XXYLT1: variants seen among roughly 807,000 people sequenced by gnomAD.
XXYLT1 encodes xyloside xylosyltransferase 1, also known as UDP-xylose:alpha-xyloside alpha-1,3-xylosyltransferase.
A neutral mutation model predicts 28.9 loss-of-function variants in XXYLT1; 20 were observed. The observed-to-expected ratio is 0.69, with a 90% confidence interval of 0.49 to 1.00. The LOEUF is 1.00. Ranked by LOEUF, XXYLT1 falls within the 50% of genes least tolerant of loss-of-function variation. XXYLT1 has a pLI of 0.00. For missense variants in XXYLT1, 542 were observed against 560.1 expected, an observed-to-expected ratio of 0.97 and a Z score of 0.33; for synonymous variants, 257 against 253.8, an observed-to-expected ratio of 1.01 and a Z score of -0.12.
intron 3 of XXYLT1, among the ~76,000 whole-genome samples, chr3:195,120,782 C>T (rs1326392083): frequency 1.3e-5 from 2 of 152,210 alleles, no homozygotes; most frequent in African/African-American, 4.8e-5. Context: ...GAGGGGAAGA[C>T]AAGGCAAGCT....
At chr3:195,088,532 C>T (rs1293411206) in intron 3 of XXYLT1, among the ~76,000 whole-genome samples, 3 of 127,854 alleles carry the variant, frequency 2.3e-5, no homozygotes, top group African/African-American at 8.3e-5. Context: ...CTGTACATCA[C>T]CATCATCAAA....
chr3:195,119,121 C>CAA lies in XXYLT1; in HGVS notation c.785+37326_785+37327dup, dbSNP rs112040231. 3.5e-3 allele frequency among the ~76,000 whole-genome samples: 491 copies of CAA among 140,308 alleles called. 3 individuals carry two copies. Among genetic ancestry groups the CAA allele is most frequent in the African/African-American group, 0.012 (471 of 38,024 alleles). The allele number at this position is 140,308 out of a possible 152,430, so 92.0% of individuals were successfully genotyped here. Reference sequence around the variant, plus strand: ...TGAAACCCTGTCTCTACTAAAAATACAAAAAAAAAAAAATTAGCTGGGTGT... The same window carrying CAA: ...TGAAACCCTGTCTCTACTAAAAATACAAAAAAAAAAAAAAATTAGCTGGGTGT... On this transcript the variant is annotated intron_variant, in intron 3 of 3. Transcript: ENST00000310380.
chr3:195,234,756 C>T (rs58352841), intron 1 of XXYLT1, among the ~76,000 whole-genome samples: 5,517 of 152,210 alleles, frequency 0.036, 285 homozygotes, highest in African/African-American at 0.12. Context: ...TATTTTATGT[C>T]ATTTGTTTAT....
chr3:195,259,221 C>A (rs1725588499), intron 1 of XXYLT1, among the ~76,000 whole-genome samples: 1 of 152,238 alleles, frequency 6.6e-6, no homozygotes, highest in East Asian at 1.9e-4. Context: ...CAGTCATCGC[C>A]CTAATAAATA....
chr3:195,229,378 C>A (rs1724205780), intron 1 of XXYLT1, among the ~76,000 whole-genome samples: 2 of 152,160 alleles, frequency 1.3e-5, no homozygotes, highest in South Asian at 4.1e-4. Context: ...AAGCATTTAT[C>A]CTTTGTGTTA....
intron 2 of XXYLT1, among the ~76,000 whole-genome samples, chr3:195,159,570 G>A (rs1258407531): frequency 2.0e-5 from 3 of 152,164 alleles, no homozygotes; most frequent in Non-Finnish European, 4.4e-5. Context: ...ATCATCCCAT[G>A]GAAATATCAG....
chr3:195,128,992 A>G lies in XXYLT1; in HGVS notation c.785+27457T>C, dbSNP rs1282402630. Among the ~76,000 whole-genome samples the G allele has an allele frequency of 3.9e-5, 6 of 152,330 alleles. No individual in the cohort carries two copies. In the East Asian group the frequency reaches 1.2e-3, roughly 29 times the overall value. On this transcript the variant is annotated intron_variant, in intron 3 of 3. Coordinates refer to ENST00000310380, the MANE Select transcript of XXYLT1 (RefSeq NM_152531.5). ...TCCCCATGCGAGACGAGTCATTTTC[A>G]TTCTCTTGGAAAGTAAAAAGGCAAC... is the stretch of plus-strand genomic sequence containing the variant.
intron 1 of XXYLT1, among the ~76,000 whole-genome samples, chr3:195,252,095 C>T (rs1166097668): frequency 6.6e-6 from 1 of 152,196 alleles, no homozygotes; most frequent in African/African-American, 2.4e-5. Context: ...GCTATGAAAT[C>T]TCATACTCAC....
intron 3 of XXYLT1, among the ~76,000 whole-genome samples, chr3:195,102,828 CAGA>C (rs746446423): frequency 3.0e-4 from 46 of 152,308 alleles, no homozygotes; most frequent in Non-Finnish European, 5.6e-4. Flanking sequence ...GGTCAATGCC[CAGA>C]AGAAGGACTG....
chr3:195,261,231 G>A (rs565650121), intron 1 of XXYLT1, among the ~76,000 whole-genome samples: 6 of 152,186 alleles, frequency 3.9e-5, no homozygotes, highest in African/African-American at 1.4e-4. Flanking sequence ...TCAGGAGTTC[G>A]AGCCCAGCCT....
intron 3 of XXYLT1, among the ~76,000 whole-genome samples, chr3:195,087,977 C>G (rs1032586194): frequency 2.0e-5 from 3 of 152,026 alleles, no homozygotes; most frequent in African/African-American, 7.3e-5. Flanking sequence ...GCTTTTCCAA[C>G]GGGCTTAAAA....
chr3:195,173,258 C>T lies in XXYLT1; in HGVS notation c.653-16677G>A, dbSNP rs1043264071. On this transcript the variant is annotated intron_variant, in intron 2 of 3. Transcript: ENST00000310380. The surrounding 1 kb of genome is among the most constrained non-coding windows in gnomAD (Gnocchi z 4.3). ...GGTCCCCTGGCTAACTTTTGTGAGG[C>T]TGGGGCCAAAGACAGAGAGTGTAGC... Among the ~76,000 whole-genome samples the T allele has an allele frequency of 8.5e-5, 13 of 152,182 alleles. No homozygotes were observed. Among genetic ancestry groups the T allele is most frequent in the African/African-American group, 2.9e-4 (12 of 41,452 alleles).
chr3:195,158,456 G>A (rs1411058231), intron 2 of XXYLT1, among the ~76,000 whole-genome samples: 6 of 152,198 alleles, frequency 3.9e-5, no homozygotes, highest in Non-Finnish European at 7.3e-5. Context: ...CTTCCCCTGC[G>A]CTTTAGGGAC....
At chr3:195,156,721 G>A (rs1720615600) in intron 2 of XXYLT1, 140 bp from the exon 3 acceptor site, 1 of 1,125,018 alleles carries the variant, frequency 8.9e-7, no homozygotes. Context: ...GTTACCGCTG[G>A]AACAAAAGGC....
At chr3:195,241,942 G>A (rs535661928) in intron 1 of XXYLT1, among the ~76,000 whole-genome samples, 3 of 152,208 alleles carry the variant, frequency 2.0e-5, no homozygotes, top group African/African-American at 7.2e-5. Flanking sequence ...ATATTTTTCA[G>A]TGTTTAGTCA....
chr3:195,111,690 G>A (rs559295485), intron 3 of XXYLT1, among the ~76,000 whole-genome samples: 1 of 152,280 alleles, frequency 6.6e-6, no homozygotes, highest in African/African-American at 2.4e-5. Context: ...GTACTGACTC[G>A]TGAAGCCTAT....
At chr3:195,089,561 G>A (rs555841860) in intron 3 of XXYLT1, among the ~76,000 whole-genome samples, 260 of 152,070 alleles carry the variant, frequency 1.7e-3, no homozygotes, top group Middle Eastern at 0.014. Context: ...GGTACCAGCC[G>A]CTGCAAAATC....
At chr3:195,262,068 T>C (rs1725715068) in intron 1 of XXYLT1, among the ~76,000 whole-genome samples, 1 of 152,260 alleles carries the variant, frequency 6.6e-6, no homozygotes, top group Non-Finnish European at 1.5e-5. Context: ...GCATTATTCA[T>C]AATAGCCTCA....
chr3:195,093,521 G>A (rs1208021268), intron 3 of XXYLT1, among the ~76,000 whole-genome samples: 1 of 139,526 alleles, frequency 7.2e-6, no homozygotes, highest in Non-Finnish European at 1.5e-5. Flanking sequence ...CACACTCTGG[G>A]GACTGTTGTG....
Sources: gnomAD v4.1 joint callset for allele counts (sites outside exome capture counted in the v4.1 genomes callset) on GRCh38, gnomAD v4.1.1 for gene constraint, Gnocchi (gnomAD v3.1) non-coding constraint, MANE v1.5 for transcripts, NCBI Gene and HGNC (gene_info 2026-07-23, HGNC 2026-07-21) for gene names.